Variants in KLF12 observed in about 807,000 individuals in gnomAD.
KLF12 encodes the protein KLF transcription factor 12.
In KLF12, 9 loss-of-function variants were observed where a neutral mutation model predicts 37.8. The observed-to-expected ratio is 0.24, with a 90% CI of 0.14 to 0.42. The LOEUF is 0.42. KLF12 is among the 10% of genes least tolerant of loss of function. KLF12 has a pLI of 1.00. For synonymous variants in KLF12, 208 were observed against 202.1 expected, an observed-to-expected ratio of 1.03 and a Z score of -0.25; for missense variants, 411 against 516.0, an observed-to-expected ratio of 0.80 and a Z score of 1.97.
At chr13:74,097,687 A>G (rs890505479) in intron 1 of KLF12, among the ~76,000 whole-genome samples, 1 of 148,686 alleles carries the variant, frequency 6.7e-6, no homozygotes, top group African/African-American at 2.6e-5. Context: ...TGAAAATACA[A>G]TTTTATATAC....
intron 6 of KLF12, among the ~76,000 whole-genome samples, chr13:73,759,287 T>C (rs188148954): frequency 6.6e-6 from 1 of 152,188 alleles, no homozygotes. Context: ...GAACTGGAAT[T>C]TCCACATATT....
At chr13:73,942,539 A>C (rs1295479372) in intron 3 of KLF12, among the ~76,000 whole-genome samples, 2 of 152,188 alleles carry the variant, frequency 1.3e-5, no homozygotes, top group African/African-American at 2.4e-5. Flanking sequence ...ACTATCTATA[A>C]GGTTTGGAAG....
chr13:74,223,562 A>T, the KLF12 span, among the ~76,000 whole-genome samples: 1 of 152,110 alleles, frequency 6.6e-6, no homozygotes, highest in Non-Finnish European at 1.5e-5. Context: ...TGTCTCTGGG[A>T]CCCAGGGGAG....
At chr13:73,853,380 G>A (rs895715020) in intron 3 of KLF12, among the ~76,000 whole-genome samples, 2 of 152,178 alleles carry the variant, frequency 1.3e-5, no homozygotes, top group South Asian at 4.1e-4. Context: ...TTTGGCCCAT[G>A]TGTGTGATGA....
the KLF12 span, among the ~76,000 whole-genome samples, chr13:74,145,365 T>C: frequency 6.6e-6 from 1 of 152,208 alleles, no homozygotes; most frequent in South Asian, 2.1e-4. Flanking sequence ...CATGATACAA[T>C]TTGCTATTAG....
chr13:74,237,218 T>G, the KLF12 span, among the ~76,000 whole-genome samples: 2 of 129,420 alleles, frequency 1.5e-5, no homozygotes, highest in South Asian at 4.8e-4. Context: ...CCATTGCTTG[T>G]TTTTCTGAGG....
chr13:73,925,200 T>C (rs1889316671), intron 3 of KLF12, among the ~76,000 whole-genome samples: 2 of 152,214 alleles, frequency 1.3e-5, no homozygotes, highest in African/African-American at 4.8e-5. Context: ...CAGAACAACC[T>C]TGTATTGGAA....
the KLF12 span, among the ~76,000 whole-genome samples, chr13:74,295,494 CCACTGTGATTATGCCTCTTT>C: frequency 6.6e-6 from 1 of 152,182 alleles, no homozygotes; most frequent in Admixed American, 6.5e-5. Flanking sequence ...TCCTCCCAAA[CCACTGTGATTATGCCTCTTT>C]CAAAATATAC....
intron 1 of KLF12, among the ~76,000 whole-genome samples, chr13:74,065,226 G>GTATATATA (rs71199832): frequency 3.5e-4 from 52 of 149,788 alleles, no homozygotes; most frequent in Non-Finnish European, 6.7e-4. Flanking sequence ...ACACACACAT[G>GTATATATA]TATATATATA....
At chr13:74,286,040 C>T in the KLF12 span, among the ~76,000 whole-genome samples, 1 of 152,122 alleles carries the variant, frequency 6.6e-6, no homozygotes, top group Non-Finnish European at 1.5e-5. Context: ...TACCCTCTCC[C>T]CAACCACTAC....
At chr13:74,025,112 T>G (rs1375677361) in intron 1 of KLF12, among the ~76,000 whole-genome samples, 1 of 152,174 alleles carries the variant, frequency 6.6e-6, no homozygotes, top group East Asian at 1.9e-4. Context: ...TTTGGAAATT[T>G]AAAGTGTCTT....
intron 1 of KLF12, among the ~76,000 whole-genome samples, chr13:74,010,273 T>G (rs1892518117): frequency 6.6e-6 from 1 of 152,138 alleles, no homozygotes; most frequent in Non-Finnish European, 1.5e-5. Flanking sequence ...AAAGACATTA[T>G]GCAAGAACAC....
intron 1 of KLF12, among the ~76,000 whole-genome samples, chr13:74,062,858 A>C (rs1356981548): frequency 6.6e-6 from 1 of 152,198 alleles, no homozygotes; most frequent in Non-Finnish European, 1.5e-5. Flanking sequence ...AACCCACAGG[A>C]ACCTATTTTG....
intron 7 of KLF12, among the ~76,000 whole-genome samples, chr13:73,709,732 G>A (rs1237957648): frequency 3.2e-4 from 48 of 152,172 alleles, no homozygotes; most frequent in Admixed American, 2.9e-3. Context: ...TTTTGGGCAG[G>A]TATTTCACAA....
At chr13:74,046,034 T>C (rs1182349357) in intron 1 of KLF12, among the ~76,000 whole-genome samples, 1 of 152,226 alleles carries the variant, frequency 6.6e-6, no homozygotes, top group African/African-American at 2.4e-5. Context: ...AACCAGAAAT[T>C]TGCCATAGGA....
chr13:73,808,521 A>G (rs138717090), intron 5 of KLF12, among the ~76,000 whole-genome samples: 2 of 152,254 alleles, frequency 1.3e-5, no homozygotes, highest in Non-Finnish European at 2.9e-5. Context: ...CGGTCTTTTT[A>G]ATTTGAATGC....
At chr13:73,927,076 A>G (rs1257172619) in intron 3 of KLF12, among the ~76,000 whole-genome samples, 1 of 152,252 alleles carries the variant, frequency 6.6e-6, no homozygotes, top group African/African-American at 2.4e-5. Context: ...ACCACTTAAA[A>G]TATAACACAG....
At chr13:74,150,049 T>C in the KLF12 span, among the ~76,000 whole-genome samples, 1 of 152,224 alleles carries the variant, frequency 6.6e-6, no homozygotes, top group Non-Finnish European at 1.5e-5. Flanking sequence ...CTCTGTACAT[T>C]AACATGAGCA....
intron 2 of KLF12, among the ~76,000 whole-genome samples, chr13:73,979,544 A>G (rs1891636501): frequency 6.6e-6 from 1 of 152,160 alleles, no homozygotes; most frequent in South Asian, 2.1e-4. Context: ...AATAGAGAAG[A>G]AAGATACAAT....
Sources: gnomAD v4.1 joint callset for allele counts (sites outside exome capture counted in the v4.1 genomes callset) on GRCh38, gnomAD v4.1.1 for gene constraint, MANE v1.5 for transcripts, NCBI Gene and HGNC (gene_info 2026-07-23, HGNC 2026-07-21) for gene names.